The following GALNT13 variants were observed in gnomAD, a reference collection of about 807,000 sequenced individuals.
GALNT13 encodes the protein polypeptide N-acetylgalactosaminyltransferase 13.
Under a neutral mutation model 64.2 loss-of-function variants are expected in GALNT13, and 28 were observed. The observed-to-expected ratio is 0.44, with a 90% CI of 0.32 to 0.60. The LOEUF (loss-of-function observed/expected upper bound fraction) is 0.60, where lower values mean the gene tolerates loss of function less well. Among genes scored for constraint, GALNT13 ranks in the 20% least tolerant of loss-of-function variants. GALNT13 has a pLI of 0.05. For synonymous variants in GALNT13, 214 were observed against 224.6 expected, an observed-to-expected ratio of 0.95 and a Z score of 0.42; for missense variants, 577 against 669.8, an observed-to-expected ratio of 0.86 and a Z score of 1.53.
chr2:153,612,109 A>G, the GALNT13 span, among the ~76,000 whole-genome samples: 1 of 152,148 alleles, frequency 6.6e-6, no homozygotes, highest in Non-Finnish European at 1.5e-5. Context: ...TATATCATTG[A>G]CGGGCATTTG....
At chr2:154,118,737 C>CT (rs1362387164) in intron 3 of GALNT13, among the ~76,000 whole-genome samples, 1 of 151,732 alleles carries the variant, frequency 6.6e-6, no homozygotes, top group Non-Finnish European at 1.5e-5. Flanking sequence ...AAGATTTTTG[C>CT]TTTTTTATTA....
chr2:153,240,532 G>T, the GALNT13 span, among the ~76,000 whole-genome samples: 1 of 152,022 alleles, frequency 6.6e-6, no homozygotes, highest in African/African-American at 2.4e-5. Context: ...TGGTCTTGGG[G>T]GCTCACTCTG....
the GALNT13 span, among the ~76,000 whole-genome samples, chr2:153,221,734 G>A: frequency 1.3e-5 from 2 of 152,082 alleles, no homozygotes; most frequent in African/African-American, 2.4e-5. Context: ...CAGCCACTGC[G>A]CACAGCCAGG....
the GALNT13 span, among the ~76,000 whole-genome samples, chr2:153,398,193 A>G: frequency 6.6e-6 from 1 of 151,322 alleles, no homozygotes; most frequent in African/African-American, 2.4e-5. Flanking sequence ...TGTTCTTGCG[A>G]TAGTTTACTG....
intron 12 of GALNT13, among the ~76,000 whole-genome samples, chr2:154,448,695 T>C (rs1701720695): frequency 6.6e-6 from 1 of 152,056 alleles, no homozygotes; most frequent in Non-Finnish European, 1.5e-5. Flanking sequence ...CTATTCAACA[T>C]GTTCCTTAAA....
chr2:153,132,856 G>A, the GALNT13 span, among the ~76,000 whole-genome samples: 2 of 152,076 alleles, frequency 1.3e-5, no homozygotes, highest in East Asian at 1.9e-4. Flanking sequence ...TAGTAGCAGG[G>A]ACTATAGGTA....
At position 154,140,350 on chromosome 2, in the gene GALNT13, A is replaced by G. The variant is rs1231338145; in HGVS notation, c.156A>G (p.Arg52=). ...TATGTCTTACAGCTGTTATTTCAAG[A>G]AACCAAGAAGGGCCAGGAGAAATGG... ...LLPALRAVIS[R]NQEGPGEMGK... is the part of the protein sequence containing the mutation. Residue 52 remains arginine (R), a synonymous_variant, in exon 4 of 13, where the codon AGA becomes AGG. Coordinates refer to ENST00000392825, the MANE Select transcript of GALNT13 (RefSeq NM_052917.4). 6.2e-7 allele frequency: 1 copy of G among 1,612,626 alleles called. No homozygotes were observed. Among genetic ancestry groups the G allele is most frequent in the Non-Finnish European group, 8.5e-7 (1 of 1,178,962 alleles).
chr2:154,189,897 C>T (rs1686478118), intron 4 of GALNT13, among the ~76,000 whole-genome samples: 1 of 152,102 alleles, frequency 6.6e-6, no homozygotes, highest in African/African-American at 2.4e-5. Context: ...ATGTTTATAC[C>T]TATAACAGTG....
chr2:154,252,348 T>TTTATTA (rs1242164457), intron 7 of GALNT13, among the ~76,000 whole-genome samples: 1 of 146,676 alleles, frequency 6.8e-6, no homozygotes. Flanking sequence ...TTTATTTTAT[T>TTTATTA]TTATTATTAT....
the GALNT13 span, among the ~76,000 whole-genome samples, chr2:153,369,325 T>A: frequency 6.6e-6 from 1 of 151,828 alleles, no homozygotes; most frequent in Non-Finnish European, 1.5e-5. Flanking sequence ...TCAATGAAAC[T>A]GAAAACAGAA....
At chr2:153,303,813 G>A in the GALNT13 span, among the ~76,000 whole-genome samples, 2 of 151,992 alleles carry the variant, frequency 1.3e-5, no homozygotes, top group Non-Finnish European at 1.5e-5. Context: ...GATAGATAGA[G>A]GAATTCACAG....
At chr2:153,507,308 A>C in the GALNT13 span, among the ~76,000 whole-genome samples, 1 of 151,608 alleles carries the variant, frequency 6.6e-6, no homozygotes, top group Admixed American at 6.6e-5. Flanking sequence ...TTGGAGATGG[A>C]GTCTCACTCT....
At chr2:154,001,210 A>G (rs1289637295) in intron 3 of GALNT13, among the ~76,000 whole-genome samples, 1 of 151,870 alleles carries the variant, frequency 6.6e-6, no homozygotes, top group Non-Finnish European at 1.5e-5. Context: ...TGCAGGCATC[A>G]TTTATTTGCA....
intron 3 of GALNT13, among the ~76,000 whole-genome samples, chr2:154,072,076 G>A (rs183774745): frequency 3.3e-5 from 5 of 152,224 alleles, no homozygotes; most frequent in South Asian, 2.1e-4. Context: ...AAGTTGCTTC[G>A]TAAAGTGCAA....
chr2:153,902,401 G>A (rs1688297653), intron 2 of GALNT13, among the ~76,000 whole-genome samples: 1 of 152,090 alleles, frequency 6.6e-6, no homozygotes, highest in African/African-American at 2.4e-5. Flanking sequence ...AAATGTGAGA[G>A]GTACTGTGTT....
At chr2:153,093,529 G>A in the GALNT13 span, among the ~76,000 whole-genome samples, 51 of 152,174 alleles carry the variant, frequency 3.4e-4, no homozygotes, top group African/African-American at 1.1e-3. Flanking sequence ...ATGAGCCACC[G>A]TGTGTGGCTG....
the GALNT13 span, among the ~76,000 whole-genome samples, chr2:153,106,327 G>A: frequency 6.6e-6 from 1 of 152,098 alleles, no homozygotes; most frequent in African/African-American, 2.4e-5. Flanking sequence ...TGTTCAGGGG[G>A]ATTGTGGCCT....
the GALNT13 span, among the ~76,000 whole-genome samples, chr2:153,302,398 G>A: frequency 6.6e-6 from 1 of 151,768 alleles, no homozygotes; most frequent in African/African-American, 2.4e-5. Context: ...TTAAATCAGG[G>A]TTTTGTTTTT....
chr2:154,171,430 A>G (rs534078194), intron 4 of GALNT13, among the ~76,000 whole-genome samples: 6 of 152,282 alleles, frequency 3.9e-5, no homozygotes, highest in East Asian at 1.9e-4. Flanking sequence ...AAATGGTTTC[A>G]TATATTACAC....
Sources: allele counts gnomAD v4.1 joint callset (sites outside exome capture counted in the v4.1 genomes callset), GRCh38; gene constraint gnomAD v4.1.1; transcripts MANE v1.5; gene names NCBI Gene and HGNC (gene_info 2026-07-23, HGNC 2026-07-21).